Variants in DLGAP2 observed in about 807,000 individuals in gnomAD.
DLGAP2 encodes disks large-associated protein 2.
In DLGAP2, 26 loss-of-function variants were observed where a neutral mutation model predicts 100.3. The observed-to-expected ratio is 0.26, with a 90% CI of 0.19 to 0.36. DLGAP2 has a LOEUF of 0.36. Ranked by LOEUF, DLGAP2 falls within the 10% of genes least tolerant of loss-of-function variation. The probability of loss-of-function intolerance (pLI) is 1.00; values close to 1 mark genes in which losing one functional copy is unlikely to be tolerated. For synonymous variants in DLGAP2, 886 were observed against 630.1 expected (o/e 1.41, Z -6.08); for missense variants, 1,858 against 1,453.2 (o/e 1.28, Z -4.53).
intron 5 of DLGAP2, among the ~76,000 whole-genome samples, chr8:1,557,214 G>A (rs766700518): frequency 6.6e-6 from 1 of 152,286 alleles, no homozygotes; most frequent in East Asian, 1.9e-4. Flanking sequence ...GGAACTGCTG[G>A]TGTCATCCAA....
chr8:1,164,145 TTTTTCTGTG>T (rs1796951869), intron 2 of DLGAP2, among the ~76,000 whole-genome samples: 1 of 97,384 alleles, frequency 1.0e-5, no homozygotes. Flanking sequence ...TTTGTGGGGA[TTTTTCTGTG>T]AGCCCCCCAG....
At chr8:1,503,996 C>G (rs1242279681) in intron 4 of DLGAP2, among the ~76,000 whole-genome samples, 2 of 152,182 alleles carry the variant, frequency 1.3e-5, no homozygotes, top group Admixed American at 1.3e-4. Flanking sequence ...AAGATTTGTG[C>G]AGAAGTGCAC....
chr8:1,224,718 G>C (rs1365746177), intron 2 of DLGAP2, among the ~76,000 whole-genome samples: 1 of 152,172 alleles, frequency 6.6e-6, no homozygotes, highest in East Asian at 1.9e-4. Context: ...GTCTATAATA[G>C]TTGAAGAACT....
At chr8:1,421,793 G>A (rs1307053853) in intron 3 of DLGAP2, among the ~76,000 whole-genome samples, 3 of 151,866 alleles carry the variant, frequency 2.0e-5, no homozygotes, top group Admixed American at 6.6e-5. Context: ...GTGAAACCCC[G>A]TCTCTACTAT....
chr8:917,821 C>G (rs1214245356), intron 2 of DLGAP2, among the ~76,000 whole-genome samples: 1 of 152,086 alleles, frequency 6.6e-6, no homozygotes. Context: ...CCTCGGGATC[C>G]GCCTGCCTCG....
At chr8:773,798 C>T (rs1439057234) in intron 1 of DLGAP2, among the ~76,000 whole-genome samples, 4 of 152,142 alleles carry the variant, frequency 2.6e-5, no homozygotes, top group African/African-American at 9.7e-5. Flanking sequence ...AATAATACCA[C>T]AATAAACATA....
At chr8:1,080,483 A>T (rs963694930) in intron 2 of DLGAP2, among the ~76,000 whole-genome samples, 3 of 152,294 alleles carry the variant, frequency 2.0e-5, no homozygotes, top group African/African-American at 7.2e-5. Flanking sequence ...AGCTGCAGGG[A>T]TGCAGAGCTC....
chr8:931,542 G>A (rs753774631), intron 2 of DLGAP2, among the ~76,000 whole-genome samples: 29 of 152,306 alleles, frequency 1.9e-4, no homozygotes, highest in Non-Finnish European at 3.5e-4. Context: ...ACTGCCACTT[G>A]TCATGATGTT....
intron 3 of DLGAP2, among the ~76,000 whole-genome samples, chr8:1,463,726 A>G (rs1423481590): frequency 6.6e-6 from 1 of 152,234 alleles, no homozygotes; most frequent in African/African-American, 2.4e-5. Flanking sequence ...GCCACGTTGA[A>G]CATGGTGTGA....
At chr8:1,047,444 G>A (rs1271543909) in intron 2 of DLGAP2, among the ~76,000 whole-genome samples, 3 of 152,216 alleles carry the variant, frequency 2.0e-5, no homozygotes, top group African/African-American at 4.8e-5. Flanking sequence ...GCTCCAGTGA[G>A]CATTTCCTTT....
At chr8:838,370 T>C (rs1477442755) in intron 1 of DLGAP2, among the ~76,000 whole-genome samples, 1 of 152,032 alleles carries the variant, frequency 6.6e-6, no homozygotes, top group African/African-American at 2.4e-5. Context: ...TTCTGGGATG[T>C]GGTCTTGGCA....
At chr8:1,063,697 A>G (rs1803158199) in intron 2 of DLGAP2, among the ~76,000 whole-genome samples, 1 of 152,114 alleles carries the variant, frequency 6.6e-6, no homozygotes, top group Admixed American at 6.5e-5. Context: ...AAAATATCTT[A>G]CATTAAAATG....
intron 3 of DLGAP2, among the ~76,000 whole-genome samples, chr8:1,316,108 G>A (rs564818303): frequency 1.2e-4 from 15 of 124,306 alleles, no homozygotes; most frequent in South Asian, 5.7e-4. Flanking sequence ...CGAGACACTC[G>A]GCAGCTTTTA....
At chr8:1,157,218 G>C (rs949811710) in intron 2 of DLGAP2, among the ~76,000 whole-genome samples, 1 of 152,142 alleles carries the variant, frequency 6.6e-6, no homozygotes, top group African/African-American at 2.4e-5. Context: ...GTGTGAAGCA[G>C]TTCCCGGGAG....
chr8:1,230,285 T>C (rs1479828940), intron 2 of DLGAP2, among the ~76,000 whole-genome samples: 2 of 152,114 alleles, frequency 1.3e-5, no homozygotes, highest in African/African-American at 2.4e-5. Context: ...AAGAATAAAA[T>C]ACCTAGTAAT....
chr8:1,358,900 G>C (rs1035625557), intron 3 of DLGAP2, among the ~76,000 whole-genome samples: 4 of 150,756 alleles, frequency 2.7e-5, no homozygotes, highest in Non-Finnish European at 6.0e-5. Flanking sequence ...AGAGACTCGG[G>C]AATTCTCGGT....
intron 3 of DLGAP2, among the ~76,000 whole-genome samples, chr8:1,303,056 C>T (rs1800396889): frequency 1.3e-5 from 2 of 152,188 alleles, no homozygotes; most frequent in African/African-American, 2.4e-5. Flanking sequence ...TGGACTCCAC[C>T]TCGCAGGGGA....
chr8:1,174,734 C>G (rs982469577), intron 2 of DLGAP2, among the ~76,000 whole-genome samples: 1 of 152,002 alleles, frequency 6.6e-6, no homozygotes, highest in Non-Finnish European at 1.5e-5. Flanking sequence ...ATTACCATGA[C>G]CAAAATCATT....
At chr8:1,160,676 G>A (rs1257234884) in intron 2 of DLGAP2, among the ~76,000 whole-genome samples, 1 of 152,180 alleles carries the variant, frequency 6.6e-6, no homozygotes, top group African/African-American at 2.4e-5. Context: ...GTGTAATGAG[G>A]CTAACTCCAG....
Sources: allele counts gnomAD v4.1 joint callset (sites outside exome capture counted in the v4.1 genomes callset), GRCh38; gene constraint gnomAD v4.1.1; transcripts MANE v1.5; gene names NCBI Gene and HGNC (gene_info 2026-07-23, HGNC 2026-07-21).